NSUN3: variants seen among roughly 807,000 people sequenced by gnomAD.
The protein encoded by NSUN3 is NOP2/Sun RNA methyltransferase 3.
Under a neutral mutation model 36.8 loss-of-function variants are expected in NSUN3, and 24 were observed. The ratio of observed to expected loss-of-function variants is 0.65; its 90% CI spans 0.47 to 0.92. The LOEUF is 0.92. Ranked by LOEUF, NSUN3 falls within the 40% of genes least tolerant of loss-of-function variation. The pLI, the probability that NSUN3 is intolerant of heterozygous loss-of-function variation, is 0.00. For missense variants in NSUN3, 381 were observed against 392.8 expected (o/e 0.97, Z 0.25); for synonymous variants, 146 against 145.2 (o/e 1.01, Z -0.04).
intron 5 of NSUN3, among the ~76,000 whole-genome samples, chr3:94,101,130 T>G (rs1277800189): frequency 6.6e-6 from 1 of 152,024 alleles, no homozygotes; most frequent in Non-Finnish European, 1.5e-5. Flanking sequence ...CAGCTGATAC[T>G]ACAGATGCAT....
intron 5 of NSUN3, among the ~76,000 whole-genome samples, chr3:94,120,636 C>T (rs2077457494): frequency 6.6e-6 from 1 of 152,172 alleles, no homozygotes; most frequent in African/African-American, 2.4e-5. Flanking sequence ...TTCATCATAT[C>T]TATGTATCTG....
intron 4 of NSUN3, 36 bp from the exon 5 acceptor site, chr3:94,094,997 G>C (rs1487036036): frequency 1.2e-6 from 2 of 1,610,374 alleles, no homozygotes; most frequent in Non-Finnish European, 1.7e-6. Flanking sequence ...TAGATTGTCA[G>C]TGCATATTTG....
chr3:94,099,999 A>G (rs1279275354), intron 5 of NSUN3, among the ~76,000 whole-genome samples: 2 of 152,162 alleles, frequency 1.3e-5, no homozygotes, highest in African/African-American at 2.4e-5. Context: ...GCAGGCATGC[A>G]AGAGAGTAAA....
chr3:94,063,173 G>C lies in NSUN3; in HGVS notation c.12+35G>C, dbSNP rs1361465369. 3 of 1,612,690 alleles carry C rather than the reference G, an allele frequency of 1.9e-6. No homozygotes were observed. In the Admixed American group the frequency reaches 5.0e-5, roughly 27 times the overall value. On this transcript the variant is annotated intron_variant, in intron 1 of 5. Transcript: ENST00000314622. ...GGGGCCCGGCTGGGTACCTCTATCT[G>C]AATGAGACGCTTCTGGACGCGGCCG...
chr3:94,126,192 T>C lies in NSUN3; in HGVS notation c.744-19T>C. 1.3e-6 allele frequency: 2 copies of C among 1,589,118 alleles called. No individual in the cohort carries two copies. Among genetic ancestry groups the C allele is most frequent in the Non-Finnish European group, 1.7e-6 (2 of 1,166,476 alleles). Reference sequence around the variant, plus strand: ...TAATATACTTAACTAATCTTTTGCATTTTTCTGATTGCACACAGGTCTGCA... The same window carrying C: ...TAATATACTTAACTAATCTTTTGCACTTTTCTGATTGCACACAGGTCTGCA... On this transcript the variant is annotated intron_variant, in intron 5 of 5. Transcript: ENST00000314622.
intron 2 of NSUN3, chr3:94,075,925 C>T (rs2077243967): frequency 6.8e-7 from 1 of 1,462,142 alleles, no homozygotes; most frequent in Non-Finnish European, 9.6e-7. Context: ...CCTTGTCCTT[C>T]TGGATCCATA....
chr3:94,108,685 G>A (rs1463714226), intron 5 of NSUN3, among the ~76,000 whole-genome samples: 1 of 151,264 alleles, frequency 6.6e-6, no homozygotes, highest in Non-Finnish European at 1.5e-5. Context: ...TTGAGACACA[G>A]TCTTGCTCTG....
rs1425768290 is a variant in NSUN3 at position 94,128,745 on chromosome 3, A to C, written c.*2255A>C. On this transcript the variant is annotated 3_prime_UTR_variant, in exon 6 of 6. Transcript: ENST00000314622. ...TGGGAGAAATATTTGCAAATTATGC[A>C]TCTGCCAAAGGTCTAATATCCAGAA... 6.6e-6 allele frequency among the ~76,000 whole-genome samples: 1 copy of C among 152,146 alleles called. No homozygotes were observed. Among genetic ancestry groups the C allele is most frequent in the African/African-American group, 2.4e-5 (1 of 41,430 alleles).
intron 2 of NSUN3, among the ~76,000 whole-genome samples, chr3:94,082,861 T>C (rs1391269836): frequency 6.6e-6 from 1 of 152,172 alleles, no homozygotes; most frequent in Non-Finnish European, 1.5e-5. Context: ...TTTTTTATCA[T>C]CTGAGCCACT....
At chr3:94,075,294 AAAG>A (rs2107239734) in intron 2 of NSUN3, among the ~76,000 whole-genome samples, 1 of 152,284 alleles carries the variant, frequency 6.6e-6, no homozygotes, top group African/African-American at 2.4e-5. Context: ...CACAGACAGG[AAAG>A]AAACAACATG....
intron 1 of NSUN3, among the ~76,000 whole-genome samples, chr3:94,063,555 A>G (rs962791796): frequency 1.3e-5 from 2 of 152,148 alleles, no homozygotes; most frequent in Non-Finnish European, 2.9e-5. Flanking sequence ...ATAACGTTGC[A>G]AAGATAGTAC....
intron 2 of NSUN3, among the ~76,000 whole-genome samples, chr3:94,083,641 A>T (rs2077280329): frequency 6.6e-6 from 1 of 152,260 alleles, no homozygotes; most frequent in Admixed American, 6.5e-5. Context: ...AAAAAGCAAC[A>T]AATTAGAGGT....
intron 5 of NSUN3, among the ~76,000 whole-genome samples, chr3:94,116,909 C>T (rs533993471): frequency 6.7e-6 from 1 of 148,330 alleles, no homozygotes; most frequent in Non-Finnish European, 1.5e-5. Context: ...AGTTATACCA[C>T]ATGAGATAAG....
intron 5 of NSUN3, among the ~76,000 whole-genome samples, chr3:94,123,536 G>A (rs988297581): frequency 3.9e-5 from 6 of 152,094 alleles, no homozygotes; most frequent in African/African-American, 1.4e-4. Context: ...TGTTCTTGAA[G>A]TTCAAAAATT....
intron 5 of NSUN3, among the ~76,000 whole-genome samples, chr3:94,109,697 G>A (rs1340764962): frequency 6.6e-6 from 1 of 152,228 alleles, no homozygotes; most frequent in Admixed American, 6.5e-5. Context: ...GAATTTGGAA[G>A]AGCTGAAGGA....
chr3:94,093,443 G>A (rs2077324748), intron 3 of NSUN3, among the ~76,000 whole-genome samples: 1 of 152,108 alleles, frequency 6.6e-6, no homozygotes, highest in African/African-American at 2.4e-5. Context: ...TGTTGCCTTG[G>A]TAACCTGACA....
intron 2 of NSUN3, chr3:94,075,903 CG>C (rs2077243875): frequency 2.2e-6 from 3 of 1,347,816 alleles, no homozygotes; most frequent in Non-Finnish European, 3.2e-6. Flanking sequence ...GAAGTAAAGA[CG>C]TATCTAGGAC....
chr3:94,095,381 G>A (rs1369424730), intron 5 of NSUN3, among the ~76,000 whole-genome samples: 1 of 152,130 alleles, frequency 6.6e-6, no homozygotes, highest in Non-Finnish European at 1.5e-5. Flanking sequence ...GCTGTGCATT[G>A]TCTTTTAAAG....
intron 3 of NSUN3, among the ~76,000 whole-genome samples, chr3:94,092,945 A>AAG: frequency 6.7e-6 from 1 of 148,552 alleles, no homozygotes. Flanking sequence ...AAAAAAAAAA[A>AAG]GAAAAGAAAT....
Sources: gnomAD v4.1 joint callset for allele counts (sites outside exome capture counted in the v4.1 genomes callset) on GRCh38, gnomAD v4.1.1 for gene constraint, MANE v1.5 for transcripts, NCBI Gene and HGNC (gene_info 2026-07-23, HGNC 2026-07-21) for gene names.